The following CDH12 variants were observed in gnomAD, a reference collection of about 807,000 sequenced individuals.
The protein encoded by CDH12 is cadherin 12.
In CDH12, 41 loss-of-function variants were observed where a neutral mutation model predicts 74.1. The ratio of observed to expected loss-of-function variants is 0.55; its 90% CI spans 0.43 to 0.72. The LOEUF (loss-of-function observed/expected upper bound fraction) is 0.72. Ranked by LOEUF, CDH12 falls within the 30% of genes least tolerant of loss-of-function variation. CDH12 has a pLI of 0.00. For missense variants in CDH12, 945 were observed against 977.2 expected, an observed-to-expected ratio of 0.97 and a Z score of 0.44; for synonymous variants, 399 against 355.0, an observed-to-expected ratio of 1.12 and a Z score of -1.39.
intron 1 of CDH12, among the ~76,000 whole-genome samples, chr5:22,674,103 GT>G (rs762986785): frequency 6.6e-6 from 1 of 152,136 alleles, no homozygotes; most frequent in African/African-American, 2.4e-5. Context: ...GCCCTTATCT[GT>G]AGACTAGTAA....
At chr5:22,232,789 T>C (rs1390973481) in intron 3 of CDH12, among the ~76,000 whole-genome samples, 2 of 150,276 alleles carry the variant, frequency 1.3e-5, no homozygotes, top group Non-Finnish European at 3.0e-5. Context: ...CTTTTATTCA[T>C]TCTCTCTAAG....
chr5:22,057,764 A>T (rs570088642), intron 5 of CDH12, among the ~76,000 whole-genome samples: 62 of 152,278 alleles, frequency 4.1e-4, no homozygotes, highest in Non-Finnish European at 2.2e-4. Context: ...ATGGAAACTC[A>T]TAGAGTGTTT....
At chr5:21,969,173 C>T (rs559083727) in intron 6 of CDH12, among the ~76,000 whole-genome samples, 3 of 151,678 alleles carry the variant, frequency 2.0e-5, no homozygotes, top group African/African-American at 4.8e-5. Flanking sequence ...AAGAATTAAA[C>T]CCAAAATCAC....
At chr5:22,515,646 A>G (rs1425926809) in intron 1 of CDH12, among the ~76,000 whole-genome samples, 1 of 152,072 alleles carries the variant, frequency 6.6e-6, no homozygotes, top group East Asian at 1.9e-4. Flanking sequence ...AGCTGATGTG[A>G]AAAATAACAG....
chr5:21,995,329 T>C, intron 5 of CDH12, among the ~76,000 whole-genome samples: 1 of 151,708 alleles, frequency 6.6e-6, no homozygotes, highest in Non-Finnish European at 1.5e-5. Context: ...AGAGCTTTCA[T>C]CATGTAAATT....
chr5:22,846,081 T>C lies in CDH12; in HGVS notation c.-523+6977A>G, dbSNP rs186293618. 2.1e-3 allele frequency among the ~76,000 whole-genome samples: 317 copies of C among 152,176 alleles called. 2 individuals are homozygous for C. The highest frequency in any genetic ancestry group is 7.4e-3 in the African/African-American group (307 of 41,520). ...GCAGTAGAATTGATATTGTACCACA[T>C]GTGGGTGGAATGGAGAGGAGCAAAG... On this transcript the variant is annotated intron_variant, in intron 1 of 14. Transcript: ENST00000382254.
chr5:22,771,949 A>G (rs904051250), intron 1 of CDH12, among the ~76,000 whole-genome samples: 3 of 151,934 alleles, frequency 2.0e-5, no homozygotes, highest in African/African-American at 7.2e-5. Context: ...TATATGTTCT[A>G]TTAGTTCTTT....
At chr5:22,676,477 C>A (rs1376154024) in intron 1 of CDH12, among the ~76,000 whole-genome samples, 1 of 152,168 alleles carries the variant, frequency 6.6e-6, no homozygotes, top group Non-Finnish European at 1.5e-5. Context: ...ATTACCTGAG[C>A]AGCATCTTAC....
chr5:22,117,971 C>G (rs556825350), intron 4 of CDH12, among the ~76,000 whole-genome samples: 21 of 152,110 alleles, frequency 1.4e-4, no homozygotes, highest in East Asian at 9.7e-4. Context: ...GGCTAGAAAT[C>G]TAAATAATTT....
intron 1 of CDH12, among the ~76,000 whole-genome samples, chr5:22,586,161 T>C (rs987689707): frequency 1.6e-4 from 25 of 152,112 alleles, no homozygotes; most frequent in African/African-American, 5.3e-4. Context: ...TATGCAGCCA[T>C]AAAAAATGAT....
At chr5:22,191,842 G>C (rs1479168429) in intron 4 of CDH12, among the ~76,000 whole-genome samples, 1 of 152,006 alleles carries the variant, frequency 6.6e-6, no homozygotes, top group Non-Finnish European at 1.5e-5. Flanking sequence ...GGGATTACAG[G>C]CGTGAGCCAC....
At chr5:21,973,063 A>AAC (rs1296631630) in intron 6 of CDH12, among the ~76,000 whole-genome samples, 4 of 150,860 alleles carry the variant, frequency 2.7e-5, no homozygotes. Flanking sequence ...AAAAAAAAAA[A>AAC]AAATAGCTAG....
intron 1 of CDH12, among the ~76,000 whole-genome samples, chr5:22,820,002 T>C (rs1034795381): frequency 2.0e-5 from 3 of 147,310 alleles, no homozygotes; most frequent in Non-Finnish European, 4.5e-5. Flanking sequence ...TACATATATA[T>C]ACATATACAT....
At chr5:22,328,232 G>T in intron 3 of CDH12, among the ~76,000 whole-genome samples, 1 of 152,138 alleles carries the variant, frequency 6.6e-6, no homozygotes, top group East Asian at 1.9e-4. Flanking sequence ...AAAAATATAT[G>T]TTTAGGATTT....
intron 3 of CDH12, among the ~76,000 whole-genome samples, chr5:22,389,570 A>C (rs1742140379): frequency 6.6e-6 from 1 of 152,212 alleles, no homozygotes; most frequent in Non-Finnish European, 1.5e-5. Context: ...CAATGCAAAA[A>C]CATAAATGTG....
At chr5:22,485,096 T>A (rs761408333) in intron 2 of CDH12, among the ~76,000 whole-genome samples, 3 of 152,202 alleles carry the variant, frequency 2.0e-5, no homozygotes, top group African/African-American at 4.8e-5. Context: ...ATACACCACA[T>A]GAATGTTGTT....
At chr5:22,011,469 TG>T (rs1737288018) in intron 5 of CDH12, among the ~76,000 whole-genome samples, 1 of 152,176 alleles carries the variant, frequency 6.6e-6, no homozygotes, top group Non-Finnish European at 1.5e-5. Context: ...TGCCTTTTAT[TG>T]AACAAAACAA....
chr5:22,796,802 G>A lies in CDH12; in HGVS notation c.-523+56256C>T, dbSNP rs1027755003. Among the ~76,000 whole-genome samples, 12 of 101,704 alleles carry A rather than the reference G, an allele frequency of 1.2e-4. 3 individuals are homozygous for A. The highest frequency in any genetic ancestry group is 6.1e-4 in the African/African-American group (12 of 19,738). 66.7% of individuals were successfully genotyped at this position (101,704 alleles called of 152,430 possible). A position where few individuals can be genotyped will look rare whatever the true frequency, so the allele number is the denominator to read the frequency against. On this transcript the variant is annotated intron_variant, in intron 1 of 14. Transcript: ENST00000382254. ...CCCAAAGTGCTGGGATTACAGGCGTGAGCCACCGCGCCCGGCCCAGATTTT... is the reference window on the plus strand; with the variant it reads ...CCCAAAGTGCTGGGATTACAGGCGTAAGCCACCGCGCCCGGCCCAGATTTT...
intron 1 of CDH12, among the ~76,000 whole-genome samples, chr5:22,779,799 A>C (rs1747296025): frequency 6.6e-6 from 1 of 152,150 alleles, no homozygotes; most frequent in Non-Finnish European, 1.5e-5. Context: ...TGGAACTGCA[A>C]GTCAGTTAAA....
Sources: gnomAD v4.1 joint callset for allele counts (sites outside exome capture counted in the v4.1 genomes callset) on GRCh38, gnomAD v4.1.1 for gene constraint, MANE v1.5 for transcripts, NCBI Gene and HGNC (gene_info 2026-07-23, HGNC 2026-07-21) for gene names.